The following ZNF451 variants were observed in gnomAD, a reference collection of about 807,000 sequenced individuals.
ZNF451 encodes the protein zinc finger protein 451, also known as E3 SUMO-protein ligase ZNF451.
Under a neutral mutation model 107.1 loss-of-function variants are expected in ZNF451, and 80 were observed. That is an observed-to-expected ratio of 0.75 (90% CI 0.62 to 0.90). The LOEUF (loss-of-function observed/expected upper bound fraction) is 0.90, where lower values mean the gene tolerates loss of function less well. Among genes scored for constraint, ZNF451 ranks in the 40% least tolerant of loss-of-function variants. The pLI, the probability that ZNF451 is intolerant of heterozygous loss-of-function variation, is 0.00. For missense variants in ZNF451, 1,107 were observed against 1,236.2 expected, an observed-to-expected ratio of 0.90 and a Z score of 1.57; for synonymous variants, 362 against 406.5, an observed-to-expected ratio of 0.89 and a Z score of 1.32.
At chr6:57,105,319 T>C (rs986666795) in intron 3 of ZNF451, 16 of 983,832 alleles carry the variant, frequency 1.6e-5, no homozygotes, top group Non-Finnish European at 1.8e-5. Flanking sequence ...ACAATGTATA[T>C]AGAGACAATA....
intron 9 of ZNF451, 136 bp downstream of exon 9, chr6:57,142,231 T>A: frequency 9.6e-7 from 1 of 1,039,162 alleles, no homozygotes; most frequent in Non-Finnish European, 1.4e-6. Context: ...TAGCCAAATT[T>A]AACATAGTGA....
chr6:57,167,755 A>G (rs1763960164), intron 14 of ZNF451, among the ~76,000 whole-genome samples: 1 of 152,208 alleles, frequency 6.6e-6, no homozygotes, highest in African/African-American at 2.4e-5. Flanking sequence ...CATCATTCCC[A>G]AGGAGGAGAT....
chr6:57,131,330 A>G (rs1426441005), intron 5 of ZNF451, among the ~76,000 whole-genome samples: 1 of 152,044 alleles, frequency 6.6e-6, no homozygotes, highest in African/African-American at 2.4e-5. Context: ...AAATCTCTGT[A>G]TTTTGCCTTT....
chr6:57,098,826 C>T (rs1279005020), intron 2 of ZNF451, among the ~76,000 whole-genome samples: 1 of 151,982 alleles, frequency 6.6e-6, no homozygotes, highest in Admixed American at 6.6e-5. Flanking sequence ...TTGACATGGC[C>T]CTAATATTCT....
intron 3 of ZNF451, among the ~76,000 whole-genome samples, chr6:57,118,536 C>A (rs192450485): frequency 6.6e-6 from 1 of 152,094 alleles, no homozygotes; most frequent in East Asian, 1.9e-4. Flanking sequence ...CTTTGTTGTC[C>A]CCCAGGCTGG....
chr6:57,158,713 TG>T, intron 13 of ZNF451: 1 of 985,466 alleles, frequency 1.0e-6, no homozygotes, highest in Non-Finnish European at 1.2e-6. Context: ...GGCCAGTATC[TG>T]CTCCCTTGAG....
chr6:57,168,627 A>G lies in ZNF451; in HGVS notation c.*158A>G. The G allele has an allele frequency of 3.1e-6, 2 of 650,118 alleles. No individual in the cohort carries two copies. Among genetic ancestry groups the G allele is most frequent in the Middle Eastern group, 2.5e-4 (1 of 4,034 alleles). 40.3% of individuals were successfully genotyped at this position (650,118 alleles called of 1,614,324 possible). A position where few individuals can be genotyped will look rare whatever the true frequency, so the allele number is the denominator to read the frequency against. On this transcript the variant is annotated 3_prime_UTR_variant, in exon 15 of 15. Transcript: ENST00000370706. ...GTTCAAAATCTGATCTTTGTTTTGT[A>G]TTTTTGTGCTAATGTGCAAACATGT...
rs1593147346 is a variant in ZNF451, at chr6:57,141,416, T to C, written c.817T>C (p.Ser273Pro). The change falls in exon 8 of 15, where the codon TCT becomes CCT. Residue 273 changes from serine to proline, a missense_variant. Transcript: ENST00000370706. Reference protein sequence around the residue: ...SRKEECSKHMSGKNHFHQSFK... With the variant: ...SRKEECSKHMPGKNHFHQSFK... ...AAAGGAGGAGTGTTCAAAGCATATG[T>C]CTGGAAAGAATCATTTCCATCAGAG... is the stretch of plus-strand genomic sequence containing the variant. 6.2e-7 allele frequency: 1 copy of C among 1,613,080 alleles called. No individual in the cohort carries two copies. The highest frequency in any genetic ancestry group is 8.5e-7 in the Non-Finnish European group (1 of 1,179,460).
At position 57,147,900 on chromosome 6, in the gene ZNF451, A is replaced by G; in HGVS notation, c.1815A>G (p.Lys605=). The part of the protein sequence containing the change: ...HSPANSSPRG[K]WQCRICEDMF... ...CGGCAAATAGTTCTCCGAGGGGTAA[A>G]TGGCAATGCCGGATTTGTGAAGATA... Residue 605 remains lysine, a synonymous_variant, in exon 10 of 15, where the codon AAA becomes AAG. Coordinates refer to ENST00000370706, the MANE Select transcript of ZNF451 (RefSeq NM_001031623.3). 1 of 1,614,128 alleles carries G rather than the reference A, an allele frequency of 6.2e-7. No individual in the cohort carries two copies. The highest frequency in any genetic ancestry group is 8.5e-7 in the Non-Finnish European group (1 of 1,179,994).
At chr6:57,109,004 A>T (rs934595430) in intron 3 of ZNF451, 3 of 985,278 alleles carry the variant, frequency 3.0e-6, no homozygotes, top group Non-Finnish European at 3.6e-6. Context: ...ATGGTAAACT[A>T]ATTTTACATA....
intron 3 of ZNF451, chr6:57,103,017 A>G (rs142470032): frequency 1.4e-5 from 14 of 985,328 alleles, no homozygotes; most frequent in Non-Finnish European, 1.6e-5. Context: ...TAAACAACCT[A>G]CCTTCTAAAC....
intron 7 of ZNF451, among the ~76,000 whole-genome samples, chr6:57,138,765 GTGTGTGTGTGTA>G (rs1385343718): frequency 1.6e-5 from 2 of 127,198 alleles, no homozygotes; most frequent in Non-Finnish European, 3.3e-5. Flanking sequence ...GTGTGTGTGT[GTGTGTGTGTGTA>G]TATATATATA....
intron 3 of ZNF451, among the ~76,000 whole-genome samples, chr6:57,110,336 A>ACAAAGG (rs1171790407): frequency 6.6e-6 from 1 of 152,206 alleles, no homozygotes; most frequent in Non-Finnish European, 1.5e-5. Context: ...TACAGCCATT[A>ACAAAGG]CTTGTAAGGT....
At chr6:57,153,834 C>G in intron 12 of ZNF451, 27 bp from the exon 13 acceptor site, 1 of 1,608,954 alleles carries the variant, frequency 6.2e-7, no homozygotes, top group South Asian at 1.1e-5. Context: ...GATTTTTTAT[C>G]AACCTGTGCC....
At chr6:57,112,966 T>G (rs1395429666) in intron 3 of ZNF451, among the ~76,000 whole-genome samples, 1 of 152,218 alleles carries the variant, frequency 6.6e-6, no homozygotes, top group East Asian at 1.9e-4. Flanking sequence ...TAATTTCTTC[T>G]ATGAAGCCCA....
chr6:57,142,111 G>T lies in ZNF451; in HGVS notation c.1004+16G>T. ...CCCATTTCAGGTTTGTATTGGTCTG[G>T]AGCTGTAAAGGAATACGGATGAGTG... is the stretch of plus-strand genomic sequence containing the variant. On this transcript the variant is annotated intron_variant, in intron 9 of 14. Transcript: ENST00000370706. 1 of 1,593,632 alleles carries T rather than the reference G, an allele frequency of 6.3e-7. No individual in the cohort carries two copies. Among genetic ancestry groups the T allele is most frequent in the African/African-American group, 1.3e-5 (1 of 74,750 alleles).
At chr6:57,110,545 A>C (rs1830060460) in intron 3 of ZNF451, among the ~76,000 whole-genome samples, 1 of 152,182 alleles carries the variant, frequency 6.6e-6, no homozygotes, top group Admixed American at 6.5e-5. Context: ...ATGTTCCTGA[A>C]GTGGAATGTG....
intron 14 of ZNF451, among the ~76,000 whole-genome samples, chr6:57,164,446 A>G (rs539972475): frequency 6.6e-6 from 1 of 152,206 alleles, no homozygotes; most frequent in African/African-American, 2.4e-5. Context: ...ATGTTCATCT[A>G]AGGTCTACTC....
intron 14 of ZNF451, 31 bp downstream of exon 14, chr6:57,161,183 T>G (rs1170102218): frequency 1.7e-5 from 22 of 1,300,456 alleles, no homozygotes; most frequent in Non-Finnish European, 2.2e-5. Flanking sequence ...TCTTTTCTAC[T>G]TGACTGTATC....
Sources: allele counts gnomAD v4.1 joint callset (sites outside exome capture counted in the v4.1 genomes callset), GRCh38; gene constraint gnomAD v4.1.1; transcripts MANE v1.5; gene names NCBI Gene and HGNC (gene_info 2026-07-23, HGNC 2026-07-21).